Variants in MCF2L observed in about 807,000 individuals in gnomAD.
The protein encoded by MCF2L is guanine nucleotide exchange factor DBS.
In MCF2L, 97 loss-of-function variants were observed where a neutral mutation model predicts 153.4. The ratio of observed to expected loss-of-function variants is 0.63; its 90% CI spans 0.54 to 0.75. The LOEUF (loss-of-function observed/expected upper bound fraction) is 0.75. MCF2L is among the 30% of genes least tolerant of loss of function. MCF2L has a pLI of 0.00. For synonymous variants in MCF2L, 659 were observed against 632.2 expected (o/e 1.04, Z -0.64); for missense variants, 1,347 against 1,495.2 (o/e 0.90, Z 1.64).
chr13:113,043,224 G>T (rs1353472518), intron 3 of MCF2L: 1 of 152,264 alleles, frequency 6.6e-6, no homozygotes, highest in Admixed American at 6.5e-5. Context: ...CTTGGCAGGG[G>T]CTCTTGAGCA....
At chr13:113,014,081 A>G (rs1438849180) in intron 1 of MCF2L, among the ~76,000 whole-genome samples, 10 of 151,836 alleles carry the variant, frequency 6.6e-5, no homozygotes, top group African/African-American at 1.9e-4. Flanking sequence ...TAGTGCTCCC[A>G]GCTGGTACTG....
chr13:113,096,607 C>T lies in MCF2L; in HGVS notation c.3246C>T (p.Ser1082=), dbSNP rs759648859. ...KEGWVPASSL[S]VRLGPSGSAQ... is the part of the protein sequence containing the mutation. ...GCTGGGTGCCGGCCAGCAGCCTGTC[C>T]GTCCGGCTCGGCCCGTCCGGCTCGG... is the stretch of plus-strand genomic sequence containing the variant. The change falls in exon 29 of 30, where the codon TCC becomes TCT. Residue 1082 remains serine, a synonymous_variant. Transcript: ENST00000535094. The T allele has an allele frequency of 6.2e-7, 1 of 1,600,812 alleles. No homozygotes were observed. The highest frequency in any genetic ancestry group is 2.2e-5 in the East Asian group (1 of 44,696).
intron 2 of MCF2L, among the ~76,000 whole-genome samples, chr13:112,940,207 C>T (rs1363774746): frequency 6.6e-6 from 1 of 152,194 alleles, no homozygotes; most frequent in African/African-American, 2.4e-5. Flanking sequence ...TCCTTAAAAA[C>T]ATCTTGATAC....
chr13:112,917,418 A>G (rs1013400491), intron 2 of MCF2L: 3 of 335,856 alleles, frequency 8.9e-6, no homozygotes, highest in Admixed American at 4.1e-5. Flanking sequence ...ACAGATCCAG[A>G]ATCCAGCCAG....
intron 1 of MCF2L, among the ~76,000 whole-genome samples, chr13:113,010,778 C>T (rs145668473): frequency 5.3e-4 from 81 of 152,192 alleles, no homozygotes; most frequent in African/African-American, 1.9e-3. Flanking sequence ...AGTGAGGGAG[C>T]TGGGCCTGGC....
At chr13:113,023,556 C>T (rs1252664372) in intron 2 of MCF2L, among the ~76,000 whole-genome samples, 1 of 152,158 alleles carries the variant, frequency 6.6e-6, no homozygotes, top group Non-Finnish European at 1.5e-5. Flanking sequence ...GCTGTGTGCA[C>T]CCTGGGTCTT....
Position 112,983,767 on chromosome 13 carries a change from TTCC to T in MCF2L, c.79+14319_79+14321del, listed in dbSNP as rs1421411315. 6.6e-6 allele frequency among the ~76,000 whole-genome samples: 1 copy of T among 152,142 alleles called. No homozygotes were observed. The highest frequency in any genetic ancestry group is 1.5e-5 in the Non-Finnish European group (1 of 68,006). On this transcript the variant is annotated intron_variant, in intron 1 of 29. Transcript: ENST00000535094. The surrounding 1 kb of genome is among the most constrained non-coding windows in gnomAD (Gnocchi z 4.0). ...TCCTGGGCCTTCCCTTCTGCCTGGC[TTCC>T]TCCTCCTCCACCCGTCCACCTGTGT...
At chr13:112,987,285 G>A (rs888308088) in intron 1 of MCF2L, among the ~76,000 whole-genome samples, 1 of 17,996 alleles carries the variant, frequency 5.6e-5, no homozygotes, top group Non-Finnish European at 2.8e-4. Context: ...CTGCAGCCAC[G>A]CAGAGGGTGG....
chr13:113,080,986 C>T (rs769741235), intron 15 of MCF2L, among the ~76,000 whole-genome samples: 22 of 152,208 alleles, frequency 1.4e-4, no homozygotes, highest in Admixed American at 3.3e-4. Flanking sequence ...AAGACACTGC[C>T]GGCCAGTCTG....
At chr13:113,089,317 G>A (rs1366280318) in intron 25 of MCF2L, among the ~76,000 whole-genome samples, 2 of 147,280 alleles carry the variant, frequency 1.4e-5, no homozygotes, top group Non-Finnish European at 3.0e-5. Flanking sequence ...CATCCAGCCC[G>A]TCTGGGTTTA....
chr13:112,990,540 G>A (rs2082858496), intron 1 of MCF2L, among the ~76,000 whole-genome samples: 1 of 152,230 alleles, frequency 6.6e-6, no homozygotes, highest in African/African-American at 2.4e-5. Context: ...GAATCACATG[G>A]AGGGGTCTGC....
rs566671419 is a variant in MCF2L, at chr13:112,917,886, AC to A, written c.169+15521del. Among the ~76,000 whole-genome samples the A allele has an allele frequency of 1.0e-3, 155 of 152,236 alleles. 3 individuals carry two copies. Among genetic ancestry groups the A allele is most frequent in the African/African-American group, 2.9e-3 (121 of 41,522 alleles). ...GACTCTGACCTAGCCTCACCTGCCC[AC>A]CCCCCTGCTCCAGGCCGGCTTGCGT... On this transcript the variant is annotated intron_variant, in intron 2 of 29. Coordinates refer to the MCF2L transcript ENST00000375608.
intron 1 of MCF2L, among the ~76,000 whole-genome samples, chr13:112,988,506 G>A (rs2082742009): frequency 1.3e-5 from 2 of 152,104 alleles, no homozygotes; most frequent in East Asian, 1.9e-4. Flanking sequence ...GCAGGGGATG[G>A]AGCTACCACA....
At chr13:112,987,686 G>A (rs959024557) in intron 1 of MCF2L, among the ~76,000 whole-genome samples, 4 of 152,266 alleles carry the variant, frequency 2.6e-5, no homozygotes, top group Admixed American at 6.5e-5. Flanking sequence ...TGGTGAGAGG[G>A]TTGGGCGTTG....
chr13:113,090,395 G>A lies in MCF2L; in HGVS notation c.2953+667G>A, dbSNP rs1410853253. 1.1e-5 allele frequency: 11 copies of A among 985,320 alleles called. No homozygotes were observed. In the South Asian group the frequency reaches 1.4e-4, roughly 13 times the overall value. 61.0% of individuals were successfully genotyped at this position (985,320 alleles called of 1,614,324 possible). On this transcript the variant is annotated intron_variant, in intron 26 of 29. Coordinates refer to ENST00000535094, the MANE Select transcript of MCF2L (RefSeq NM_001112732.3). The stretch of plus-strand genomic sequence containing the variant: ...TTCAAATGGAGGCTTGCTCAGAAAC[G>A]GAGCTGTCCTTGGCTTTCCAGGCCC...
rs199850630 is a variant in MCF2L, at chr13:113,033,193, C to T, written c.278+8435C>T. ...TGGCCCCCATGACGTGAGTGGACCC[C>T]GTGACGTGAGTGGCCCCCGTGACAT... On this transcript the variant is annotated intron_variant, in intron 3 of 29. Coordinates refer to ENST00000535094, the MANE Select transcript of MCF2L (RefSeq NM_001112732.3). Among the ~76,000 whole-genome samples the T allele has an allele frequency of 2.3e-4, 31 of 133,624 alleles. 1 individual carries two copies. Among genetic ancestry groups the T allele is most frequent in the African/African-American group, 7.0e-4 (24 of 34,202 alleles). The allele number at this position is 133,624 out of a possible 152,430, so 87.7% of individuals were successfully genotyped here.
intron 2 of MCF2L, among the ~76,000 whole-genome samples, chr13:113,022,629 C>T (rs1395644918): frequency 3.9e-5 from 6 of 152,242 alleles, no homozygotes; most frequent in African/African-American, 7.2e-5. Flanking sequence ...TGGGGCGTGC[C>T]GCTTGCCTCG....
chr13:112,937,521 G>A (rs2081527124), intron 2 of MCF2L, among the ~76,000 whole-genome samples: 1 of 152,212 alleles, frequency 6.6e-6, no homozygotes, highest in African/African-American at 2.4e-5. Context: ...CCAGTGAACA[G>A]TTTACAAACC....
intron 2 of MCF2L, among the ~76,000 whole-genome samples, chr13:112,921,928 A>G (rs1411091086): frequency 3.3e-5 from 5 of 152,238 alleles, no homozygotes; most frequent in African/African-American, 1.2e-4. Context: ...AAATACCTAC[A>G]TAAAAATGGT....
Sources: allele counts gnomAD v4.1 joint callset (sites outside exome capture counted in the v4.1 genomes callset), GRCh38; gene constraint gnomAD v4.1.1; non-coding constraint Gnocchi (gnomAD v3.1); transcripts MANE v1.5; gene names NCBI Gene and HGNC (gene_info 2026-07-23, HGNC 2026-07-21).